LRP1B: variants seen among roughly 807,000 people sequenced by gnomAD.
The protein encoded by LRP1B is low-density lipoprotein receptor-related protein 1B.
Under a neutral mutation model 556.6 loss-of-function variants are expected in LRP1B, and 217 were observed. That is an observed-to-expected ratio of 0.39 (90% CI 0.35 to 0.44). The LOEUF is 0.44. LRP1B is among the 20% of genes least tolerant of loss of function. The probability of loss-of-function intolerance (pLI) is 1.00; values close to 1 mark genes in which losing one functional copy is unlikely to be tolerated. For synonymous variants in LRP1B, 2,047 were observed against 1,865.8 expected, an observed-to-expected ratio of 1.10 and a Z score of -2.50; for missense variants, 5,053 against 5,620.8, an observed-to-expected ratio of 0.90 and a Z score of 3.23.
intron 59 of LRP1B, among the ~76,000 whole-genome samples, chr2:140,479,722 C>T (rs1573985284): frequency 6.6e-6 from 1 of 151,874 alleles, no homozygotes; most frequent in Non-Finnish European, 1.5e-5. Flanking sequence ...GTGTTTTTGC[C>T]TGAATATGAG....
intron 1 of LRP1B, among the ~76,000 whole-genome samples, chr2:142,118,372 C>T (rs115164487): frequency 0.051 from 7,701 of 152,120 alleles, 252 homozygotes; most frequent in Non-Finnish European, 0.058. Context: ...GTGATTTTCA[C>T]GCTATTGCTA....
chr2:141,259,331 T>A (rs1014987029), intron 3 of LRP1B, among the ~76,000 whole-genome samples: 1 of 152,122 alleles, frequency 6.6e-6, no homozygotes, highest in South Asian at 2.1e-4. Flanking sequence ...GCTATATGAG[T>A]GTGGCAGAGA....
chr2:141,985,885 T>C (rs745620693), intron 1 of LRP1B, among the ~76,000 whole-genome samples: 1 of 151,922 alleles, frequency 6.6e-6, no homozygotes, highest in Non-Finnish European at 1.5e-5. Flanking sequence ...TTAGAATTGC[T>C]TTTTCTGAAT....
intron 2 of LRP1B, chr2:141,805,242 G>C (rs1351683407): frequency 6.6e-6 from 1 of 152,096 alleles, no homozygotes; most frequent in Non-Finnish European, 1.5e-5. Context: ...TACTAGGAGA[G>C]AAGCAGCCAT....
At chr2:140,845,844 G>T (rs182073913) in intron 29 of LRP1B, among the ~76,000 whole-genome samples, 6 of 152,222 alleles carry the variant, frequency 3.9e-5, no homozygotes, top group African/African-American at 1.2e-4. Context: ...TTAGCACAGA[G>T]AAACAAAGAA....
At chr2:141,788,687 C>T (rs1467345770) in intron 2 of LRP1B, among the ~76,000 whole-genome samples, 2 of 149,910 alleles carry the variant, frequency 1.3e-5, no homozygotes, top group Non-Finnish European at 3.0e-5. Flanking sequence ...TCCCCTTCCC[C>T]CCACCCCCAC....
At chr2:140,907,780 G>A in intron 22 of LRP1B, 97 bp downstream of exon 22, 1 of 1,027,682 alleles carries the variant, frequency 9.7e-7, no homozygotes, top group Non-Finnish European at 1.5e-6. Context: ...TAAAGGGAAT[G>A]AATGAAAGGA....
rs61008140 is a variant in LRP1B at position 141,103,522 on chromosome 2, T to TTCTCTCTCTCTCTCTC, written c.1014-41250_1014-41249insGAGAGAGAGAGAGAGA. Among the ~76,000 whole-genome samples the TTCTCTCTCTCTCTCTC allele has an allele frequency of 3.2e-4, 48 of 149,126 alleles. 1 individual carries two copies. The highest frequency in any genetic ancestry group is 2.6e-3 in the East Asian group (13 of 4,948). On this transcript the variant is annotated intron_variant, in intron 7 of 90. Coordinates refer to ENST00000389484, the MANE Select transcript of LRP1B (RefSeq NM_018557.3). Reference sequence around the variant, plus strand: ...CAGAAGCTGGGCCATAGCACACACATTCTCTCTCTCTCTTAAAAAGTTCAG... The same window carrying TTCTCTCTCTCTCTCTC: ...CAGAAGCTGGGCCATAGCACACACATTCTCTCTCTCTCTCTCTCTCTCTCTCTCTTAAAAAGTTCAG...
chr2:141,497,718 C>T (rs769002712), intron 2 of LRP1B, among the ~76,000 whole-genome samples: 7 of 152,006 alleles, frequency 4.6e-5, no homozygotes, highest in Admixed American at 1.3e-4. Context: ...TGAACTTTAG[C>T]GCAAATCTAC....
chr2:140,480,708 T>C (rs1688200126), intron 59 of LRP1B, among the ~76,000 whole-genome samples: 1 of 152,158 alleles, frequency 6.6e-6, no homozygotes, highest in Non-Finnish European at 1.5e-5. Flanking sequence ...CCCAAAGTCC[T>C]GGGATTACAG....
At chr2:141,299,820 T>C (rs545400290) in intron 3 of LRP1B, among the ~76,000 whole-genome samples, 45 of 152,346 alleles carry the variant, frequency 3.0e-4, no homozygotes, top group Non-Finnish European at 5.4e-4. Flanking sequence ...GAATGTTTAA[T>C]TGATGGGCCC....
chr2:141,012,056 G>A (rs1450708690), intron 14 of LRP1B, among the ~76,000 whole-genome samples: 1 of 152,012 alleles, frequency 6.6e-6, no homozygotes, highest in Non-Finnish European at 1.5e-5. Context: ...GAAATGTTAT[G>A]AGGAAAGTAT....
intron 3 of LRP1B, among the ~76,000 whole-genome samples, chr2:141,444,006 T>C (rs1681086003): frequency 6.6e-6 from 1 of 152,200 alleles, no homozygotes; most frequent in Admixed American, 6.5e-5. Flanking sequence ...GCACTGAATC[T>C]ATAAATTACT....
intron 11 of LRP1B, among the ~76,000 whole-genome samples, chr2:141,037,567 A>G (rs1450536147): frequency 1.3e-5 from 2 of 152,054 alleles, no homozygotes; most frequent in Admixed American, 6.6e-5. Flanking sequence ...TAGGCAGGAT[A>G]GTGTTGGCTG....
At chr2:141,563,065 A>G (rs62169799) in intron 2 of LRP1B, among the ~76,000 whole-genome samples, 7,597 of 152,026 alleles carry the variant, frequency 0.05, 311 homozygotes, top group East Asian at 0.12. Context: ...GGATATATGA[A>G]GTGGAGAGAA....
chr2:141,135,913 C>G (rs1701480224), intron 7 of LRP1B, among the ~76,000 whole-genome samples: 1 of 151,838 alleles, frequency 6.6e-6, no homozygotes, highest in Non-Finnish European at 1.5e-5. Context: ...GAAACTTACT[C>G]TGAAAACATC....
At chr2:140,741,646 C>T (rs1291526927) in intron 35 of LRP1B, among the ~76,000 whole-genome samples, 2 of 152,148 alleles carry the variant, frequency 1.3e-5, no homozygotes, top group Non-Finnish European at 2.9e-5. Context: ...ACTCTCCATT[C>T]TCAAGTAGGC....
At chr2:141,691,460 C>A (rs928724621) in intron 2 of LRP1B, among the ~76,000 whole-genome samples, 1 of 56,782 alleles carries the variant, frequency 1.8e-5, no homozygotes, top group Non-Finnish European at 3.3e-5. Context: ...GCCAGGTAAT[C>A]AGCCAACACA....
chr2:141,448,141 C>T (rs1681269059), intron 3 of LRP1B, among the ~76,000 whole-genome samples: 1 of 152,202 alleles, frequency 6.6e-6, no homozygotes, highest in African/African-American at 2.4e-5. Context: ...GAGTGCCAGA[C>T]TGGCTACAGC....
Sources: gnomAD v4.1 joint callset for allele counts (sites outside exome capture counted in the v4.1 genomes callset) on GRCh38, gnomAD v4.1.1 for gene constraint, MANE v1.5 for transcripts, NCBI Gene and HGNC (gene_info 2026-07-23, HGNC 2026-07-21) for gene names.